Variants in EIF3A observed in about 807,000 individuals in gnomAD.
The protein encoded by EIF3A is EIF3, p180 subunit.
EIF3A carries 21 observed loss-of-function variants against 186.6 expected under a neutral mutation model. That is an observed-to-expected ratio of 0.11 (90% confidence interval 0.08 to 0.16). The LOEUF (loss-of-function observed/expected upper bound fraction) is 0.16, where lower values mean the gene tolerates loss of function less well. Ranked by LOEUF, EIF3A falls within the 10% of genes least tolerant of loss-of-function variation. The pLI, the probability that EIF3A is intolerant of heterozygous loss-of-function variation, is 1.00. For missense variants in EIF3A, 1,306 were observed against 1,796.3 expected (o/e 0.73, Z 4.93); for synonymous variants, 563 against 584.3 (o/e 0.96, Z 0.52).
chr10:119,068,489 A>G (rs1474647733), intron 6 of EIF3A, among the ~76,000 whole-genome samples: 3 of 151,144 alleles, frequency 2.0e-5, no homozygotes, highest in African/African-American at 4.9e-5. Context: ...AGCCTGGCCA[A>G]CATCATGAAA....
At chr10:119,038,203 C>T (rs745703889) in intron 20 of EIF3A, 35 bp downstream of exon 20, 27 of 1,576,222 alleles carry the variant, frequency 1.7e-5, no homozygotes, top group African/African-American at 5.4e-5. Context: ...CCACTGCGCC[C>T]GGCCTCTACA....
At chr10:119,037,462 G>T (rs1342998929) in intron 20 of EIF3A, among the ~76,000 whole-genome samples, 153 bp from the exon 21 acceptor site, 1 of 152,126 alleles carries the variant, frequency 6.6e-6, no homozygotes, top group Non-Finnish European at 1.5e-5. Flanking sequence ...GGGGCGTGGA[G>T]AACAAATGAG....
intron 6 of EIF3A, among the ~76,000 whole-genome samples, chr10:119,066,267 G>C (rs1476050256): frequency 6.6e-6 from 1 of 151,914 alleles, no homozygotes; most frequent in Non-Finnish European, 1.5e-5. Context: ...CCAGCACTTT[G>C]GGAGGCCGAA....
At chr10:119,075,545 TCACA>T in intron 1 of EIF3A, among the ~76,000 whole-genome samples, 1 of 141,190 alleles carries the variant, frequency 7.1e-6, no homozygotes, top group South Asian at 2.4e-4. Flanking sequence ...ATTGCAAATT[TCACA>T]CACACACAAA....
At chr10:119,067,348 G>A (rs1231351972) in intron 6 of EIF3A, among the ~76,000 whole-genome samples, 3 of 152,092 alleles carry the variant, frequency 2.0e-5, no homozygotes, top group East Asian at 1.9e-4. Flanking sequence ...CAACACACTC[G>A]GAGCCTGAGG....
chr10:119,045,672 A>G (rs1473982544), intron 17 of EIF3A, among the ~76,000 whole-genome samples: 2 of 152,162 alleles, frequency 1.3e-5, no homozygotes, highest in Non-Finnish European at 2.9e-5. Context: ...GGCTCAAGCC[A>G]TACTCCCTCC....
intron 14 of EIF3A, among the ~76,000 whole-genome samples, chr10:119,052,670 C>T (rs527433177): frequency 2.0e-5 from 3 of 152,242 alleles, no homozygotes; most frequent in Admixed American, 2.0e-4. Flanking sequence ...GCCACCCCAC[C>T]CAGCCTATAC....
At chr10:119,049,660 G>A (rs370066906) in intron 17 of EIF3A, 141 bp downstream of exon 17, 16 of 689,022 alleles carry the variant, frequency 2.3e-5, no homozygotes, top group South Asian at 1.9e-4. Flanking sequence ...GCTGAGACAC[G>A]AGAATCACTT....
Position 119,056,731 on chromosome 10 carries a change from A to G in EIF3A, c.2196+9T>C. 6.5e-7 allele frequency: 1 copy of G among 1,529,918 alleles called. No homozygotes were observed. Among genetic ancestry groups the G allele is most frequent in the Non-Finnish European group, 9.0e-7 (1 of 1,107,406 alleles). The allele number at this position is 1,529,918 out of a possible 1,614,324, so 94.8% of individuals were successfully genotyped here. A position where few individuals can be genotyped will look rare whatever the true frequency, so the allele number is the denominator to read the frequency against. On this transcript the variant is annotated intron_variant, in intron 14 of 21. Coordinates refer to ENST00000369144, the MANE Select transcript of EIF3A (RefSeq NM_003750.4). Reference sequence around the variant, plus strand: ...ATCTAAAAATATTACAATTAAATAAAAAACTTACTCTTTCTTCCTCTTGTT... The same window carrying G: ...ATCTAAAAATATTACAATTAAATAAGAAACTTACTCTTTCTTCCTCTTGTT...
intron 14 of EIF3A, among the ~76,000 whole-genome samples, chr10:119,055,584 G>A (rs1843764550): frequency 6.6e-6 from 1 of 151,858 alleles, no homozygotes; most frequent in East Asian, 1.9e-4. Flanking sequence ...ATAATAATAT[G>A]GGGGGCTGGG....
chr10:119,036,387 TTC>T (rs1491290361), intron 21 of EIF3A, 119 bp from the exon 22 acceptor site: 1 of 639,066 alleles, frequency 1.6e-6, no homozygotes, highest in Non-Finnish European at 2.7e-6. Context: ...AATACAGAAA[TTC>T]TGTTAAATTC....
intron 14 of EIF3A, among the ~76,000 whole-genome samples, chr10:119,056,168 T>C (rs1398891012): frequency 6.6e-6 from 1 of 152,234 alleles, no homozygotes; most frequent in Non-Finnish European, 1.5e-5. Flanking sequence ...CCGTAAGCAT[T>C]TGTAAACCAT....
Position 119,035,630 on chromosome 10 carries a change from A to C in EIF3A, c.*409T>G, listed in dbSNP as rs1848117285. On this transcript the variant is annotated 3_prime_UTR_variant, in exon 22 of 22. Coordinates refer to ENST00000369144, the MANE Select transcript of EIF3A (RefSeq NM_003750.4). ...AAAATTGTTTCAGATTCACTGCTTT[A>C]AAGGGTCTTCAAATATATTTTAACA... 6.2e-6 allele frequency: 1 copy of C among 162,422 alleles called. No homozygotes were observed. Among genetic ancestry groups the C allele is most frequent in the South Asian group, 1.7e-4 (1 of 5,914 alleles). The allele number at this position is 162,422 out of a possible 1,614,324, so 10.1% of individuals were successfully genotyped here. A position where few individuals can be genotyped will look rare whatever the true frequency, so the allele number is the denominator to read the frequency against.
At chr10:119,071,172 GTTGTT>G (rs1844064291) in intron 4 of EIF3A, 87 bp from the exon 5 acceptor site, 1 of 977,500 alleles carries the variant, frequency 1.0e-6, no homozygotes, top group African/African-American at 1.6e-5. Flanking sequence ...ATTAAGATCA[GTTGTT>G]TTAACAGGAT....
intron 14 of EIF3A, 151 bp downstream of exon 14, chr10:119,056,589 C>T: frequency 1.8e-6 from 1 of 561,086 alleles, no homozygotes; most frequent in Non-Finnish European, 3.1e-6. Flanking sequence ...GTGAAATTTT[C>T]CCTCTTTCTA....
At chr10:119,079,414 G>C (rs1228364939) in intron 1 of EIF3A, among the ~76,000 whole-genome samples, 2 of 152,154 alleles carry the variant, frequency 1.3e-5, no homozygotes, top group Admixed American at 1.3e-4. Context: ...ATTTTCATAA[G>C]ATGAATTTTC....
chr10:119,067,909 C>T (rs1046059204), intron 6 of EIF3A, among the ~76,000 whole-genome samples: 1 of 152,052 alleles, frequency 6.6e-6, no homozygotes, highest in African/African-American at 2.4e-5. Context: ...CTCCCAGGTT[C>T]AAGCCATTCT....
At chr10:119,072,646 G>T (rs1403652003) in intron 4 of EIF3A, among the ~76,000 whole-genome samples, 1 of 152,018 alleles carries the variant, frequency 6.6e-6, no homozygotes, top group Non-Finnish European at 1.5e-5. Flanking sequence ...GTAGAGAAGG[G>T]GCTTCACCAT....
chr10:119,061,106 G>C, intron 8 of EIF3A, 118 bp downstream of exon 8: 1 of 589,718 alleles, frequency 1.7e-6, no homozygotes. Context: ...ACAATGAAAT[G>C]TGCACTGAAT....
Sources: allele counts gnomAD v4.1 joint callset (sites outside exome capture counted in the v4.1 genomes callset), GRCh38; gene constraint gnomAD v4.1.1; transcripts MANE v1.5; gene names NCBI Gene and HGNC (gene_info 2026-07-23, HGNC 2026-07-21).